The following CASD1 variants were observed in gnomAD, a reference collection of about 807,000 sequenced individuals.
CASD1 encodes the protein CAS1 domain sialic acid O acetyltransferase 1, also known as N-acetylneuraminate (7)9-O-acetyltransferase.
CASD1 carries 41 observed loss-of-function variants against 100.0 expected under a neutral mutation model. The ratio of observed to expected loss-of-function variants is 0.41; its 90% CI spans 0.32 to 0.53. CASD1 has a LOEUF of 0.53. CASD1 is among the 20% of genes least tolerant of loss of function. CASD1 has a pLI of 0.25. For synonymous variants in CASD1, 321 were observed against 315.6 expected (o/e 1.02, Z -0.18); for missense variants, 774 against 948.7 (o/e 0.82, Z 2.42).
At chr7:94,532,962 G>T (rs1562939841) in intron 5 of CASD1, among the ~76,000 whole-genome samples, 1 of 151,964 alleles carries the variant, frequency 6.6e-6, no homozygotes, top group Non-Finnish European at 1.5e-5. Context: ...GAACACCAAA[G>T]AATTAACCAT....
At chr7:94,559,310 G>GTGTGTA (rs1554417436), downstream of CASD1, among the ~76,000 whole-genome samples, 111 of 125,718 alleles carry the variant, frequency 8.8e-4, no homozygotes, top group African/African-American at 2.7e-3. Context: ...GTGTGTATGT[G>GTGTGTA]TGTGTGTGTG....
the CASD1 span, among the ~76,000 whole-genome samples, chr7:94,601,476 A>AAAC: frequency 4.5e-4 from 61 of 135,028 alleles, no homozygotes; most frequent in Non-Finnish European, 8.1e-4. Flanking sequence ...AAAAAAAAAA[A>AAAC]CTACAACAGT....
At chr7:94,570,932 T>C in the CASD1 span, among the ~76,000 whole-genome samples, 1 of 152,234 alleles carries the variant, frequency 6.6e-6, no homozygotes, top group South Asian at 2.1e-4. Context: ...TGAGTTACTG[T>C]TGAGAGTCCT....
chr7:94,596,247 G>T, the CASD1 span, among the ~76,000 whole-genome samples: 1 of 152,056 alleles, frequency 6.6e-6, no homozygotes, highest in Admixed American at 6.6e-5. Flanking sequence ...TTGTATATTA[G>T]TAGCAACATT....
the CASD1 span, among the ~76,000 whole-genome samples, chr7:94,565,545 G>A: frequency 3.0e-4 from 45 of 152,082 alleles, no homozygotes; most frequent in African/African-American, 9.4e-4. Flanking sequence ...GTCCCTGTAG[G>A]TGCTGTTCCT....
chr7:94,528,577 T>C (rs968376326), intron 5 of CASD1, among the ~76,000 whole-genome samples: 41 of 152,178 alleles, frequency 2.7e-4, no homozygotes, highest in African/African-American at 9.4e-4. Flanking sequence ...TATTCTCTAG[T>C]GCATTTTTCT....
the CASD1 span, chr7:94,603,340 C>A: frequency 1.2e-6 from 2 of 1,612,610 alleles, no homozygotes; most frequent in Non-Finnish European, 1.7e-6. Flanking sequence ...AATTTTTTAT[C>A]ACATGTTATT....
the CASD1 span, among the ~76,000 whole-genome samples, chr7:94,564,490 C>T: frequency 6.6e-6 from 1 of 152,186 alleles, no homozygotes; most frequent in African/African-American, 2.4e-5. Context: ...TGGCCTTCAT[C>T]CTCTATGATA....
chr7:94,579,067 G>T, the CASD1 span, among the ~76,000 whole-genome samples: 2 of 151,948 alleles, frequency 1.3e-5, no homozygotes, highest in Non-Finnish European at 2.9e-5. Context: ...ACCAGATAGT[G>T]TACTAGACTT....
the CASD1 span, chr7:94,587,403 C>G: frequency 1.8e-6 from 2 of 1,123,248 alleles, no homozygotes; most frequent in African/African-American, 3.2e-5. Context: ...CACTCCATGC[C>G]TGAAATAATT....
intron 2 of CASD1, 40 bp from the exon 3 acceptor site, chr7:94,518,163 A>T (rs1020889187): frequency 1.6e-5 from 23 of 1,467,048 alleles, no homozygotes; most frequent in Non-Finnish European, 2.0e-5. Flanking sequence ...AGGATGGCTG[A>T]TTTTACTTAT....
intron 3 of CASD1, among the ~76,000 whole-genome samples, chr7:94,523,492 A>G (rs1388228409): frequency 6.6e-6 from 1 of 152,224 alleles, no homozygotes; most frequent in Non-Finnish European, 1.5e-5. Context: ...CATAGGAATA[A>G]ACAGCAAATG....
the CASD1 span, among the ~76,000 whole-genome samples, chr7:94,562,626 CT>C: frequency 4.9e-4 from 74 of 149,614 alleles, no homozygotes; most frequent in African/African-American, 1.4e-3. Flanking sequence ...ATACAGTTTC[CT>C]TTTTTTTTTC....
the CASD1 span, chr7:94,603,384 T>C: frequency 6.2e-7 from 1 of 1,612,648 alleles, no homozygotes; most frequent in Middle Eastern, 1.7e-4. Context: ...TCTCAATTGA[T>C]TCTGTGGATT....
intron 8 of CASD1, among the ~76,000 whole-genome samples, chr7:94,536,933 A>G (rs1242542144): frequency 1.3e-5 from 2 of 152,216 alleles, no homozygotes; most frequent in Admixed American, 6.5e-5. Context: ...TGAAAGGCAT[A>G]TTACAAATAT....
At chr7:94,531,360 C>T (rs1300890834) in intron 5 of CASD1, among the ~76,000 whole-genome samples, 1 of 151,998 alleles carries the variant, frequency 6.6e-6, no homozygotes, top group Non-Finnish European at 1.5e-5. Context: ...AGGAAGATAG[C>T]TGGGGGAGTA....
At chr7:94,627,991 T>C in the CASD1 span, 1 of 520,374 alleles carries the variant, frequency 1.9e-6, no homozygotes, top group Non-Finnish European at 3.4e-6. Context: ...TAGACTGTCA[T>C]TTTTAATATA....
intron 10 of CASD1, 128 bp from the exon 11 acceptor site, chr7:94,544,283 C>T: frequency 8.7e-7 from 1 of 1,151,998 alleles, no homozygotes; most frequent in Non-Finnish European, 1.2e-6. Flanking sequence ...TTTTGAGAAT[C>T]AACTTTGTGA....
chr7:94,535,220 T>G, intron 7 of CASD1, 89 bp from the exon 8 acceptor site: 1 of 922,278 alleles, frequency 1.1e-6, no homozygotes, highest in Non-Finnish European at 1.7e-6. Context: ...AAATAACATA[T>G]GAAATGTGGA....
Sources: allele counts gnomAD v4.1 joint callset (sites outside exome capture counted in the v4.1 genomes callset), GRCh38; gene constraint gnomAD v4.1.1; transcripts MANE v1.5; gene names NCBI Gene and HGNC (gene_info 2026-07-23, HGNC 2026-07-21).